Variants in FXR1 observed in about 807,000 individuals in gnomAD.
FXR1 encodes the protein FMR1 autosomal homolog 1.
A neutral mutation model predicts 84.0 loss-of-function variants in FXR1; 15 were observed. That is an observed-to-expected ratio of 0.18 (90% CI 0.12 to 0.27). The LOEUF (loss-of-function observed/expected upper bound fraction) is 0.27, where lower values mean the gene tolerates loss of function less well. FXR1 is among the 10% of genes least tolerant of loss of function. The pLI is 1.00. For missense variants in FXR1, 480 were observed against 774.4 expected (o/e 0.62, Z 4.51); for synonymous variants, 245 against 250.7 (o/e 0.98, Z 0.21).
chr3:180,946,436 T>G (rs941884277), intron 3 of FXR1, among the ~76,000 whole-genome samples: 9 of 152,218 alleles, frequency 5.9e-5, no homozygotes, highest in Non-Finnish European at 1.3e-4. Context: ...AATTACAGAA[T>G]AAGGGTGAGT....
rs201616183 is a variant in FXR1, at chr3:180,968,084, C to T, written c.1232C>T (p.Thr411Met). The change falls in exon 14 of 17, where the codon ACG becomes ATG. Residue 411 changes from threonine to methionine, a missense_variant. This residue lies in a region of FXR1 where 157 missense variants were observed against 227.8 expected (regional missense o/e 0.69). Transcript: ENST00000357559. The part of the protein sequence containing the change: ...TNSELSNPSE[T>M]ESERKDELSD... ...TCTGAGCTGTCTAACCCCTCTGAAA[C>T]GGAATCTGAGCGTAAAGACGAGCTG... 287 of 1,613,048 alleles carry T rather than the reference C, an allele frequency of 1.8e-4. No individual in the cohort carries two copies. The highest frequency in any genetic ancestry group is 2.3e-4 in the Non-Finnish European group (271 of 1,179,138).
intron 15 of FXR1, chr3:180,971,586 A>G (rs1459271883): frequency 6.6e-6 from 1 of 152,610 alleles, no homozygotes; most frequent in Admixed American, 6.5e-5. Flanking sequence ...TAATACCCAC[A>G]ATTAAAAAAA....
At chr3:180,942,795 C>T (rs187743650) in intron 3 of FXR1, among the ~76,000 whole-genome samples, 23 of 152,206 alleles carry the variant, frequency 1.5e-4, no homozygotes, top group African/African-American at 5.1e-4. Context: ...CTGTGGGGCG[C>T]TGTTATTCAA....
chr3:180,957,001 A>G (rs1722805467), intron 9 of FXR1, among the ~76,000 whole-genome samples: 1 of 152,212 alleles, frequency 6.6e-6, no homozygotes, highest in Non-Finnish European at 1.5e-5. Context: ...TCTAAGGGAT[A>G]CATCGGTTCC....
chr3:180,935,603 G>A (rs893027473), intron 3 of FXR1, among the ~76,000 whole-genome samples: 4 of 152,170 alleles, frequency 2.6e-5, no homozygotes, highest in African/African-American at 9.6e-5. Flanking sequence ...TTTATGAGGT[G>A]TTAATAGTTA....
chr3:180,965,811 C>T lies in FXR1; in HGVS notation c.1199-2240C>T, dbSNP rs370163484. Among the ~76,000 whole-genome samples the T allele has an allele frequency of 5.0e-4, 76 of 152,144 alleles. No homozygotes were observed. The East Asian group carries it at 8.1e-3, about 16-fold the overall frequency. On this transcript the variant is annotated intron_variant, in intron 13 of 16. Transcript: ENST00000357559. ...CAATACATTAAAATTTTGGGGGGTA[C>T]GGCCTCAATATCTGTTTTACCTGCT...
intron 3 of FXR1, among the ~76,000 whole-genome samples, chr3:180,942,961 GGT>G (rs1721291681): frequency 6.6e-6 from 1 of 151,944 alleles, no homozygotes; most frequent in African/African-American, 2.4e-5. Flanking sequence ...TGTAAGTGGG[GGT>G]GTTTTCTTTT....
intron 9 of FXR1, among the ~76,000 whole-genome samples, chr3:180,956,678 G>C (rs1576975497): frequency 6.6e-6 from 1 of 152,060 alleles, no homozygotes; most frequent in Middle Eastern, 3.4e-3. Flanking sequence ...CACGTCATGT[G>C]AATTCCCTGC....
chr3:180,917,158 G>A (rs1481875935), intron 1 of FXR1, among the ~76,000 whole-genome samples: 2 of 152,114 alleles, frequency 1.3e-5, no homozygotes, highest in African/African-American at 4.8e-5. Context: ...TTTTAGAGCT[G>A]TCTGCTTCCA....
At chr3:180,947,073 A>T (rs1262397950) in intron 3 of FXR1, among the ~76,000 whole-genome samples, 1 of 151,912 alleles carries the variant, frequency 6.6e-6, no homozygotes, top group African/African-American at 2.4e-5. Context: ...TTTTTTTGAG[A>T]TGGAGTTTTG....
chr3:180,976,901 T>G lies in FXR1; in HGVS notation c.*609T>G, dbSNP rs1319422784. On this transcript the variant is annotated 3_prime_UTR_variant, in exon 17 of 17. Transcript: ENST00000357559. ...GTTCTACCTTGAGGCTTTGTTTGGT[T>G]TATTTATTAAAGTGTACAGTATTTA... The G allele has an allele frequency of 6.6e-6, 1 of 152,574 alleles. No individual in the cohort carries two copies. Among genetic ancestry groups the G allele is most frequent in the African/African-American group, 2.4e-5 (1 of 41,444 alleles). The allele number at this position is 152,574 out of a possible 1,614,324, so 9.5% of individuals were successfully genotyped here.
At chr3:180,939,151 C>A (rs568707689) in intron 3 of FXR1, among the ~76,000 whole-genome samples, 1 of 152,206 alleles carries the variant, frequency 6.6e-6, no homozygotes, top group Admixed American at 6.5e-5. Flanking sequence ...GCCTCGGCCT[C>A]CCAAAGTGCT....
intron 3 of FXR1, among the ~76,000 whole-genome samples, chr3:180,940,984 A>G (rs2108454096): frequency 6.6e-6 from 1 of 152,324 alleles, no homozygotes; most frequent in East Asian, 1.9e-4. Flanking sequence ...TAGTTAAAAT[A>G]GGAATTGGCA....
At chr3:180,965,477 A>C (rs1712703183) in intron 13 of FXR1, among the ~76,000 whole-genome samples, 2 of 146,626 alleles carry the variant, frequency 1.4e-5, no homozygotes, top group South Asian at 4.4e-4. Flanking sequence ...TTGACCACAG[A>C]AATTTATTAT....
intron 3 of FXR1, among the ~76,000 whole-genome samples, chr3:180,944,754 C>T (rs1295768014): frequency 6.6e-6 from 1 of 152,174 alleles, no homozygotes; most frequent in Non-Finnish European, 1.5e-5. Context: ...CCCCAAGTAG[C>T]TGAGATTACA....
intron 1 of FXR1, among the ~76,000 whole-genome samples, chr3:180,926,866 T>A (rs572741922): frequency 6.6e-6 from 1 of 152,114 alleles, no homozygotes; most frequent in African/African-American, 2.4e-5. Context: ...TAATCATGGT[T>A]ACTTTCCAGT....
chr3:180,974,989 G>A (rs971699882), intron 15 of FXR1, among the ~76,000 whole-genome samples: 10 of 120,470 alleles, frequency 8.3e-5, no homozygotes, highest in African/African-American at 1.6e-4. Context: ...AGAACACTGC[G>A]TTTGTATTTC....
rs537187075 is a variant in FXR1 at position 180,945,009 on chromosome 3, A to T, written c.199-2856A>T. ...GGTTTTGATGATATATGTATCTACAATGAATGCAGTTCTCTAAATGTAACT... is the reference window on the plus strand; with the variant it reads ...GGTTTTGATGATATATGTATCTACATTGAATGCAGTTCTCTAAATGTAACT... On this transcript the variant is annotated intron_variant, in intron 3 of 16. Transcript: ENST00000357559. 9.8e-5 allele frequency among the ~76,000 whole-genome samples: 15 copies of T among 152,374 alleles called. No homozygotes were observed. In the South Asian group the frequency reaches 2.9e-3, roughly 29 times the overall value.
At chr3:180,965,862 C>G (rs373256182) in intron 13 of FXR1, among the ~76,000 whole-genome samples, 8 of 152,282 alleles carry the variant, frequency 5.3e-5, no homozygotes, top group Middle Eastern at 3.4e-3. Flanking sequence ...GACATTCCCT[C>G]TAAGTCTCTT....
Sources: allele counts gnomAD v4.1 joint callset (sites outside exome capture counted in the v4.1 genomes callset), GRCh38; gene constraint gnomAD v4.1.1; regional missense constraint gnomAD v4.1.1; transcripts MANE v1.5; gene names NCBI Gene and HGNC (gene_info 2026-07-23, HGNC 2026-07-21).